DOCK1: variants seen among roughly 807,000 people sequenced by gnomAD.
DOCK1 encodes dedicator of cytokinesis protein 1.
DOCK1 carries 138 observed loss-of-function variants against 262.7 expected under a neutral mutation model. The ratio of observed to expected loss-of-function variants is 0.53; its 90% CI spans 0.46 to 0.61. The LOEUF (loss-of-function observed/expected upper bound fraction) is 0.61. Among genes scored for constraint, DOCK1 ranks in the 20% least tolerant of loss-of-function variants. The pLI is 0.00. For missense variants in DOCK1, 1,908 were observed against 2,370.7 expected, an observed-to-expected ratio of 0.80 and a Z score of 4.05; for synonymous variants, 866 against 867.4, an observed-to-expected ratio of 1.00 and a Z score of 0.03.
intron 27 of DOCK1, among the ~76,000 whole-genome samples, chr10:127,142,541 C>T (rs1039267857): frequency 2.0e-5 from 3 of 152,156 alleles, no homozygotes; most frequent in African/African-American, 7.2e-5. Context: ...GGAGCCAGGC[C>T]AGCCTTACCT....
intron 27 of DOCK1, among the ~76,000 whole-genome samples, chr10:127,208,930 C>T (rs955874970): frequency 2.0e-5 from 3 of 152,126 alleles, no homozygotes; most frequent in African/African-American, 7.2e-5. Flanking sequence ...AAATTTAGTT[C>T]ACTGTGTATA....
At chr10:127,067,060 A>G (rs565351771) in intron 23 of DOCK1, among the ~76,000 whole-genome samples, 2 of 152,264 alleles carry the variant, frequency 1.3e-5, no homozygotes, top group Non-Finnish European at 2.9e-5. Context: ...TGCCGACATT[A>G]TCCCTGGTGG....
At chr10:126,979,419 C>T (rs1406358005) in intron 3 of DOCK1, among the ~76,000 whole-genome samples, 2 of 152,134 alleles carry the variant, frequency 1.3e-5, no homozygotes, top group African/African-American at 2.4e-5. Context: ...GCAGTTGAAA[C>T]CTTTAGTAAT....
At chr10:127,189,133 C>T (rs934528801) in intron 27 of DOCK1, among the ~76,000 whole-genome samples, 10 of 152,190 alleles carry the variant, frequency 6.6e-5, no homozygotes, top group Non-Finnish European at 1.2e-4. Context: ...CTACGAGACA[C>T]AAGCTTGAGA....
chr10:126,939,640 C>T (rs1428974221), intron 1 of DOCK1, among the ~76,000 whole-genome samples: 3 of 152,128 alleles, frequency 2.0e-5, no homozygotes, highest in South Asian at 2.1e-4. Flanking sequence ...GGATTACAGG[C>T]GTGAGCCACC....
rs561999783 is a variant in DOCK1, at chr10:127,079,168, C to A, written c.2445+17392C>A. The stretch of plus-strand genomic sequence containing the variant: ...ACCAGATTAAAGAACATCTCCATCA[C>A]CAGTCTCTGAACATTGGATGCATTT... On this transcript the variant is annotated intron_variant, in intron 23 of 51. Coordinates refer to ENST00000623213, the MANE Select transcript of DOCK1 (RefSeq NM_001290223.2). 6.6e-4 allele frequency among the ~76,000 whole-genome samples: 101 copies of A among 152,306 alleles called. 1 individual carries two copies. Among genetic ancestry groups the A allele is most frequent in the African/African-American group, 2.2e-3 (93 of 41,574 alleles).
At chr10:127,007,155 C>T (rs1167904732) in intron 10 of DOCK1, among the ~76,000 whole-genome samples, 1 of 152,120 alleles carries the variant, frequency 6.6e-6, no homozygotes, top group East Asian at 1.9e-4. Flanking sequence ...TGACCTGTAT[C>T]TGCAAACACA....
Position 127,026,402 on chromosome 10 carries a change from C to G in DOCK1, c.1602C>G (p.Phe534Leu). ...DVNRSHLRFT[F>L]RHRSSQDSKD... ...ACCGCAGTCACCTTCGGTTTACCTT[C>G]CGCCACAGGTCATCACAGGACTGTG... Residue 534 changes from phenylalanine to leucine, a missense_variant, in exon 16 of 52, where the codon TTC becomes TTG. Transcript: ENST00000623213. 6.3e-7 allele frequency: 1 copy of G among 1,579,844 alleles called. No individual in the cohort carries two copies. Among genetic ancestry groups the G allele is most frequent in the African/African-American group, 1.3e-5 (1 of 74,396 alleles).
chr10:127,257,514 G>A (rs1590153168), intron 29 of DOCK1, 85 bp downstream of exon 29: 1 of 1,274,666 alleles, frequency 7.8e-7, no homozygotes. Flanking sequence ...TGGAGACCAA[G>A]CTGGCTTCAA....
chr10:126,947,939 GGTGGTGGTGGTGGTGGTTGGT>G, intron 1 of DOCK1, among the ~76,000 whole-genome samples: 1 of 146,902 alleles, frequency 6.8e-6, no homozygotes, highest in African/African-American at 2.6e-5. Flanking sequence ...TATTACTGTT[GGTGGTGGTGGTGGTGGTTGGT>G]AGTATTACTG....
At chr10:127,062,982 C>T (rs1460408393) in intron 23 of DOCK1, among the ~76,000 whole-genome samples, 1 of 152,138 alleles carries the variant, frequency 6.6e-6, no homozygotes, top group East Asian at 1.9e-4. Flanking sequence ...TTAGGATGCT[C>T]ACTGGTGTGG....
chr10:127,427,572 A>G (rs2068902561), intron 47 of DOCK1, among the ~76,000 whole-genome samples: 1 of 152,164 alleles, frequency 6.6e-6, no homozygotes, highest in African/African-American at 2.4e-5. Context: ...ATGGGAAGGT[A>G]AGTAGGTCAC....
At chr10:127,261,236 T>G (rs111164568) in intron 29 of DOCK1, among the ~76,000 whole-genome samples, 35,331 of 114,738 alleles carry the variant, frequency 0.31, 7,193 homozygotes, top group East Asian at 0.35. Context: ...GGTGTGCGTG[T>G]GTGTACCTGC....
At chr10:127,417,973 G>A (rs1429086395) in intron 44 of DOCK1, among the ~76,000 whole-genome samples, 2 of 152,052 alleles carry the variant, frequency 1.3e-5, no homozygotes. Context: ...CAGGCTGCCC[G>A]GGCTTAGATT....
intron 43 of DOCK1, among the ~76,000 whole-genome samples, chr10:127,413,918 T>C (rs191862449): frequency 9.0e-6 from 1 of 110,596 alleles, no homozygotes; most frequent in African/African-American, 3.9e-5. Flanking sequence ...TTTCTGAAAA[T>C]TTTTTTTTTT....
rs992808555 is a variant in DOCK1 at position 126,943,350 on chromosome 10, A to G, written c.47-27352A>G. Among the ~76,000 whole-genome samples the G allele has an allele frequency of 2.1e-3, 317 of 152,340 alleles. 1 individual carries two copies. Among genetic ancestry groups the G allele is most frequent in the African/African-American group, 7.1e-3 (294 of 41,578 alleles). ...CTAATTTTTCTGAGGTCAAGAGAGT[A>G]GGTGCTGGAACCAAACTGCTTGGGA... On this transcript the variant is annotated intron_variant, in intron 1 of 51. Transcript: ENST00000623213.
chr10:127,072,454 A>G (rs2046285917), intron 23 of DOCK1, among the ~76,000 whole-genome samples: 1 of 152,196 alleles, frequency 6.6e-6, no homozygotes, highest in South Asian at 2.1e-4. Flanking sequence ...CAGACATAAA[A>G]TTATCATTGT....
At chr10:127,138,152 C>A in intron 27 of DOCK1, 1 of 763,308 alleles carries the variant, frequency 1.3e-6, no homozygotes, top group South Asian at 2.0e-5. Context: ...AATAGCAATT[C>A]GATATACTAT....
intron 13 of DOCK1, among the ~76,000 whole-genome samples, chr10:127,019,713 C>T (rs60077968): frequency 0.017 from 2,518 of 152,278 alleles, 74 homozygotes; most frequent in African/African-American, 0.057. Flanking sequence ...CACGCCACTG[C>T]ACTCTAGCCT....
Sources: gnomAD v4.1 joint callset for allele counts (sites outside exome capture counted in the v4.1 genomes callset) on GRCh38, gnomAD v4.1.1 for gene constraint, MANE v1.5 for transcripts, NCBI Gene and HGNC (gene_info 2026-07-23, HGNC 2026-07-21) for gene names.